Variants in DYM observed in about 807,000 individuals in gnomAD.
DYM encodes dymeclin, also known as dyggve-Melchior-Clausen syndrome protein.
Under a neutral mutation model 93.1 loss-of-function variants are expected in DYM, and 78 were observed. The ratio of observed to expected loss-of-function variants is 0.84; its 90% CI spans 0.70 to 1.01. The LOEUF (loss-of-function observed/expected upper bound fraction) is 1.01, where lower values mean the gene tolerates loss of function less well. Among genes scored for constraint, DYM ranks in the 50% least tolerant of loss-of-function variants. The probability of loss-of-function intolerance (pLI) is 0.00; values close to 1 mark genes in which losing one functional copy is unlikely to be tolerated. For missense variants in DYM, 789 were observed against 845.0 expected, an observed-to-expected ratio of 0.93 and a Z score of 0.82; for synonymous variants, 321 against 319.7, an observed-to-expected ratio of 1.00 and a Z score of -0.04.
chr18:49,287,051 T>G (rs747414086), intron 8 of DYM, among the ~76,000 whole-genome samples: 9 of 151,792 alleles, frequency 5.9e-5, no homozygotes, highest in Non-Finnish European at 1.2e-4. Context: ...AATAGCCAGG[T>G]GTGATGGCAG....
At chr18:49,307,841 A>G (rs2061359871) in intron 8 of DYM, among the ~76,000 whole-genome samples, 1 of 152,206 alleles carries the variant, frequency 6.6e-6, no homozygotes, top group Non-Finnish European at 1.5e-5. Context: ...GAATCATGGA[A>G]CCAAAAGAAG....
At chr18:49,393,142 AAGGAAGGAAGG>A (rs2069592020) in intron 2 of DYM, among the ~76,000 whole-genome samples, 1 of 144,380 alleles carries the variant, frequency 6.9e-6, no homozygotes, top group African/African-American at 2.6e-5. Flanking sequence ...GGAAGGAAGG[AAGGAAGGAAGG>A]AAGGAAGGAA....
At chr18:49,378,798 TC>T in intron 4 of DYM, 98 bp from the exon 5 acceptor site, 1 of 1,253,506 alleles carries the variant, frequency 8.0e-7, no homozygotes, top group Non-Finnish European at 1.1e-6. Context: ...AACCGTTTTG[TC>T]CATCCTATTG....
Position 49,111,848 on chromosome 18 carries a change from G to C in DYM, c.1911+6896C>G, listed in dbSNP as rs143015228. 5.5e-3 allele frequency among the ~76,000 whole-genome samples: 844 copies of C among 152,122 alleles called. 4 individuals carry two copies. The highest frequency in any genetic ancestry group is 7.7e-3 in the Non-Finnish European group (526 of 67,970). ...TGTCCTAAGACCTCAGTCTTAAATG[G>C]GGCTCTCTATGCCTGGGCCTAGGGC... On this transcript the variant is annotated intron_variant, in intron 16 of 17. Coordinates refer to ENST00000675505, the MANE Select transcript of DYM (RefSeq NM_001353214.3).
At chr18:49,457,137 G>A (rs1178019061) in intron 1 of DYM, among the ~76,000 whole-genome samples, 1 of 152,214 alleles carries the variant, frequency 6.6e-6, no homozygotes, top group Non-Finnish European at 1.5e-5. Flanking sequence ...AACCTGAGAA[G>A]AGGCTGCTTC....
At chr18:49,141,725 C>A (rs2084521642) in intron 15 of DYM, among the ~76,000 whole-genome samples, 2 of 152,182 alleles carry the variant, frequency 1.3e-5, no homozygotes, top group Non-Finnish European at 2.9e-5. Context: ...ATTTTAGCTC[C>A]ATTTTTAATT....
rs190884299 is a variant in DYM at position 49,109,567 on chromosome 18, A to G, written c.1911+9177T>C. Among the ~76,000 whole-genome samples the G allele has an allele frequency of 3.1e-3, 475 of 152,310 alleles. 1 individual carries two copies. Among genetic ancestry groups the G allele is most frequent in the Non-Finnish European group, 3.6e-3 (244 of 68,034 alleles). ...TAGTTCATGGATCCTGGAAGAAGAGATATTTCTGGGTCAGAGACGGAGGGA... is the reference window on the plus strand; with the variant it reads ...TAGTTCATGGATCCTGGAAGAAGAGGTATTTCTGGGTCAGAGACGGAGGGA... On this transcript the variant is annotated intron_variant, in intron 16 of 17. Transcript: ENST00000675505.
chr18:49,071,778 A>T (rs957973990), intron 17 of DYM, among the ~76,000 whole-genome samples: 1 of 152,240 alleles, frequency 6.6e-6, no homozygotes, highest in Admixed American at 6.5e-5. Context: ...GTATATATTA[A>T]CTACCATATA....
intron 2 of DYM, among the ~76,000 whole-genome samples, chr18:49,419,801 G>C (rs1413827015): frequency 6.6e-6 from 1 of 152,042 alleles, no homozygotes; most frequent in Non-Finnish European, 1.5e-5. Flanking sequence ...GTCTACTTTA[G>C]TATATTTCAA....
At chr18:49,163,085 G>T (rs1382804900) in intron 15 of DYM, among the ~76,000 whole-genome samples, 1 of 152,108 alleles carries the variant, frequency 6.6e-6, no homozygotes, top group African/African-American at 2.4e-5. Flanking sequence ...AATCATCCCT[G>T]CTTTTGTTTT....
intron 6 of DYM, among the ~76,000 whole-genome samples, chr18:49,351,392 A>T (rs1599612055): frequency 6.6e-6 from 1 of 151,776 alleles, no homozygotes; most frequent in Non-Finnish European, 1.5e-5. Flanking sequence ...ACAAATAAAA[A>T]TACATTTAAA....
At chr18:49,191,130 G>A (rs1222985379) in intron 14 of DYM, among the ~76,000 whole-genome samples, 3 of 152,030 alleles carry the variant, frequency 2.0e-5, no homozygotes, top group South Asian at 2.1e-4. Context: ...TTCAAGGGTC[G>A]ACTATATTTT....
chr18:49,071,947 C>A (rs1295090291), intron 17 of DYM, among the ~76,000 whole-genome samples: 1 of 152,184 alleles, frequency 6.6e-6, no homozygotes, highest in Non-Finnish European at 1.5e-5. Flanking sequence ...ATAACTGCCA[C>A]ATGCACGCTG....
chr18:49,297,726 CA>C (rs1316034497), intron 8 of DYM, among the ~76,000 whole-genome samples: 3 of 147,776 alleles, frequency 2.0e-5, no homozygotes, highest in Admixed American at 6.7e-5. Flanking sequence ...GAACACACAA[CA>C]AAAGAAACAA....
chr18:49,392,598 A>G (rs116125106), intron 2 of DYM, among the ~76,000 whole-genome samples: 4,818 of 151,144 alleles, frequency 0.032, 256 homozygotes, highest in African/African-American at 0.11. Flanking sequence ...GTACATGAAA[A>G]CATGCTCAAC....
At chr18:49,219,105 C>T (rs2093222536) in intron 13 of DYM, among the ~76,000 whole-genome samples, 1 of 152,230 alleles carries the variant, frequency 6.6e-6, no homozygotes, top group Non-Finnish European at 1.5e-5. Flanking sequence ...ATACAAACTA[C>T]CATCAGAGAA....
rs1051858930 is a variant in DYM at position 49,036,574 on chromosome 18, C to T, written c.*7481G>A. Reference sequence around the variant, plus strand: ...AATATGTATACATATTTTTGAGACACGGTCTCTCACTCCATTGCCCAGGCT... The same window carrying T: ...AATATGTATACATATTTTTGAGACATGGTCTCTCACTCCATTGCCCAGGCT... On this transcript the variant is annotated 3_prime_UTR_variant, in exon 18 of 18. Coordinates refer to ENST00000675505, the MANE Select transcript of DYM (RefSeq NM_001353214.3). Among the ~76,000 whole-genome samples the T allele has an allele frequency of 3.9e-5, 6 of 152,238 alleles. No homozygotes were observed. The highest frequency in any genetic ancestry group is 9.6e-5 in the African/African-American group (4 of 41,542).
chr18:49,308,394 C>T (rs2061395255), intron 8 of DYM, among the ~76,000 whole-genome samples: 2 of 151,828 alleles, frequency 1.3e-5, no homozygotes, highest in African/African-American at 4.8e-5. Flanking sequence ...CCATGGGTAA[C>T]CTTAAGAATG....
chr18:49,245,661 G>A (rs1425013261), intron 13 of DYM, among the ~76,000 whole-genome samples: 1 of 152,088 alleles, frequency 6.6e-6, no homozygotes, highest in African/African-American at 2.4e-5. Flanking sequence ...GTGCACAGTG[G>A]GACACAGACC....
Sources: gnomAD v4.1 joint callset for allele counts (sites outside exome capture counted in the v4.1 genomes callset) on GRCh38, gnomAD v4.1.1 for gene constraint, MANE v1.5 for transcripts, NCBI Gene and HGNC (gene_info 2026-07-23, HGNC 2026-07-21) for gene names.